PRKCB: variants seen among roughly 807,000 people sequenced by gnomAD.
PRKCB encodes protein kinase C beta type.
In PRKCB, 13 loss-of-function variants were observed where a neutral mutation model predicts 81.5. The observed-to-expected ratio is 0.16, with a 90% CI of 0.10 to 0.25. The LOEUF is 0.25. Among genes scored for constraint, PRKCB ranks in the 10% least tolerant of loss-of-function variants. PRKCB has a pLI of 1.00. For missense variants in PRKCB, 509 were observed against 875.7 expected (o/e 0.58, Z 5.29); for synonymous variants, 335 against 321.4 (o/e 1.04, Z -0.45).
intron 2 of PRKCB, among the ~76,000 whole-genome samples, chr16:23,930,064 ACT>A (rs1963949565): frequency 6.6e-6 from 1 of 152,026 alleles, no homozygotes; most frequent in South Asian, 2.1e-4. Context: ...CCTCCTAGTA[ACT>A]CTGCTTACAT....
In PRKCB at chr16:23,854,660, A is replaced by G. The variant is rs1204469625; in HGVS notation, c.205+17254A>G. 3.3e-5 allele frequency among the ~76,000 whole-genome samples: 5 copies of G among 152,218 alleles called. 1 individual carries two copies. The highest frequency in any genetic ancestry group is 3.3e-4 in the Admixed American group (5 of 15,284). On this transcript the variant is annotated intron_variant, in intron 2 of 16. Coordinates refer to ENST00000643927, the MANE Select transcript of PRKCB (RefSeq NM_002738.7). ...GAACATGCATAACATCACTTCTGCC[A>G]TATTCCCTGGTCAAAGCAAATCACA...
chr16:23,934,068 T>G (rs2141759997), intron 2 of PRKCB, among the ~76,000 whole-genome samples: 1 of 149,784 alleles, frequency 6.7e-6, no homozygotes, highest in African/African-American at 2.5e-5. Context: ...CATTTGACTT[T>G]CTTTTTACGA....
At chr16:24,140,901 A>T (rs1231636684) in intron 9 of PRKCB, among the ~76,000 whole-genome samples, 1 of 152,170 alleles carries the variant, frequency 6.6e-6, no homozygotes, top group Non-Finnish European at 1.5e-5. Flanking sequence ...TACCATGTAA[A>T]CTATACACTA....
intron 9 of PRKCB, among the ~76,000 whole-genome samples, chr16:24,135,186 A>C (rs1966860779): frequency 6.6e-6 from 1 of 151,952 alleles, no homozygotes; most frequent in South Asian, 2.1e-4. Context: ...CAGCTCCAGC[A>C]TCTCAATAGC....
chr16:23,841,332 G>A (rs1305733590), intron 2 of PRKCB, among the ~76,000 whole-genome samples: 1 of 151,762 alleles, frequency 6.6e-6, no homozygotes, highest in Non-Finnish European at 1.5e-5. Flanking sequence ...CACCCGCCTC[G>A]GACTCCCAAA....
chr16:24,092,749 T>C, intron 5 of PRKCB, 42 bp from the exon 6 acceptor site: 2 of 1,583,150 alleles, frequency 1.3e-6, no homozygotes, highest in South Asian at 2.3e-5. Context: ...TGCTTAAACA[T>C]GTTGGACAGT....
At chr16:23,981,490 G>C (rs1964701656) in intron 2 of PRKCB, among the ~76,000 whole-genome samples, 2 of 152,138 alleles carry the variant, frequency 1.3e-5, no homozygotes, top group East Asian at 3.9e-4. Flanking sequence ...CGGATATCTG[G>C]TGGTGGTGTC....
At chr16:24,090,250 A>G (rs1966361073) in intron 5 of PRKCB, among the ~76,000 whole-genome samples, 1 of 152,200 alleles carries the variant, frequency 6.6e-6, no homozygotes, top group Admixed American at 6.5e-5. Context: ...CTGTGGAAAA[A>G]TAGAAGACAC....
In PRKCB at chr16:24,219,272, T is replaced by TTTG. The variant is rs1968282473; in HGVS notation, c.*4458_*4459insGTT. ...TTTGTTTTGTTTTGTTTTGTTTTGT[T>TTTG]TTAAGGCTCCCCTTACACACCCTCC... On this transcript the variant is annotated 3_prime_UTR_variant, in exon 17 of 17. Transcript: ENST00000643927. 1 of 985,278 alleles carries TTTG rather than the reference T, an allele frequency of 1.0e-6. No homozygotes were observed. Among genetic ancestry groups the TTTG allele is most frequent in the African/African-American group, 1.7e-5 (1 of 57,148 alleles). The allele number at this position is 985,278 out of a possible 1,614,324, so 61.0% of individuals were successfully genotyped here. A position where few individuals can be genotyped will look rare whatever the true frequency, so the allele number is the denominator to read the frequency against.
In PRKCB at chr16:24,218,057, T is replaced by C; in HGVS notation, c.*3241T>C. ...ACAAATAATTACAAACAACCTACTG[T>C]GTGCCAGGCACTATTCTTAGCACTG... On this transcript the variant is annotated 3_prime_UTR_variant, in exon 17 of 17. Coordinates refer to ENST00000643927, the MANE Select transcript of PRKCB (RefSeq NM_002738.7). 2.0e-6 allele frequency: 2 copies of C among 985,296 alleles called. No homozygotes were observed. The highest frequency in any genetic ancestry group is 2.4e-6 in the Non-Finnish European group (2 of 829,834). The allele number at this position is 985,296 out of a possible 1,614,324, so 61.0% of individuals were successfully genotyped here.
Position 24,137,273 on chromosome 16 carries a change from C to T in PRKCB, c.1065+13292C>T, listed in dbSNP as rs112818778. ...GCATGATCTTAGCTCACTGCAGCCC[C>T]GAACTCCTGGGCTCAAGCGATCCTC... On this transcript the variant is annotated intron_variant, in intron 9 of 16. Coordinates refer to ENST00000643927, the MANE Select transcript of PRKCB (RefSeq NM_002738.7). 3.5e-3 allele frequency among the ~76,000 whole-genome samples: 525 copies of T among 152,142 alleles called. 4 individuals carry two copies. Among genetic ancestry groups the T allele is most frequent in the African/African-American group, 0.012 (509 of 41,516 alleles).
intron 7 of PRKCB, among the ~76,000 whole-genome samples, chr16:24,094,720 G>A (rs1966417545): frequency 6.6e-6 from 1 of 151,342 alleles, no homozygotes; most frequent in Non-Finnish European, 1.5e-5. Context: ...TGAGCAAGGT[G>A]GTCAGAGATT....
At chr16:24,036,819 C>T (rs889947700) in intron 5 of PRKCB, among the ~76,000 whole-genome samples, 2 of 152,160 alleles carry the variant, frequency 1.3e-5, no homozygotes, top group African/African-American at 2.4e-5. Flanking sequence ...TTGAGGTTCC[C>T]GATGCTGGTG....
In PRKCB at chr16:24,219,762, C is replaced by A; in HGVS notation, c.*4946C>A. On this transcript the variant is annotated 3_prime_UTR_variant, in exon 17 of 17. Coordinates refer to ENST00000643927, the MANE Select transcript of PRKCB (RefSeq NM_002738.7). ...ACTTACTTCTTTTCTTAGAAAATTT[C>A]CACCACATTTCTATCCCCAAGCCAA... The A allele has an allele frequency of 7.2e-7, 1 of 1,381,722 alleles. No individual in the cohort carries two copies. The highest frequency in any genetic ancestry group is 9.4e-7 in the Non-Finnish European group (1 of 1,069,262). The allele number at this position is 1,381,722 out of a possible 1,614,324, so 85.6% of individuals were successfully genotyped here.
chr16:24,093,095 T>G, intron 6 of PRKCB, 148 bp downstream of exon 6: 2 of 866,410 alleles, frequency 2.3e-6, no homozygotes, highest in Non-Finnish European at 3.4e-6. Flanking sequence ...ACTCCTATCT[T>G]TCCCTCCCTT....
intron 3 of PRKCB, among the ~76,000 whole-genome samples, chr16:23,990,652 AC>A (rs559404313): frequency 3.9e-4 from 59 of 150,784 alleles, no homozygotes; most frequent in African/African-American, 1.3e-3. Flanking sequence ...GGCTCTAGCA[AC>A]CCCCCCACCT....
intron 2 of PRKCB, among the ~76,000 whole-genome samples, chr16:23,925,376 A>AT (rs1286836066): frequency 6.6e-6 from 1 of 151,996 alleles, no homozygotes; most frequent in African/African-American, 2.4e-5. Context: ...CTGACTGGTC[A>AT]TTGGGTATCT....
chr16:23,911,734 T>G (rs1454808028), intron 2 of PRKCB, among the ~76,000 whole-genome samples: 1 of 151,988 alleles, frequency 6.6e-6, no homozygotes, highest in Admixed American at 6.6e-5. Context: ...GGAGCCTCAG[T>G]GCAGCCACGC....
At chr16:24,034,482 A>G (rs1043046827) in intron 4 of PRKCB, among the ~76,000 whole-genome samples, 4 of 152,250 alleles carry the variant, frequency 2.6e-5, no homozygotes, top group Non-Finnish European at 5.9e-5. Context: ...ATCACCCACC[A>G]CATTGAAATA....
Sources: gnomAD v4.1 joint callset for allele counts (sites outside exome capture counted in the v4.1 genomes callset) on GRCh38, gnomAD v4.1.1 for gene constraint, MANE v1.5 for transcripts, NCBI Gene and HGNC (gene_info 2026-07-23, HGNC 2026-07-21) for gene names.